TMC1: variants seen among roughly 807,000 people sequenced by gnomAD.
TMC1 encodes the protein transmembrane channel like 1.
TMC1 carries 84 observed loss-of-function variants against 105.8 expected under a neutral mutation model. The ratio of observed to expected loss-of-function variants is 0.79; its 90% CI spans 0.67 to 0.95. The LOEUF (loss-of-function observed/expected upper bound fraction) is 0.95. TMC1 is among the 40% of genes least tolerant of loss of function. The probability of loss-of-function intolerance (pLI) is 0.00; values close to 1 mark genes in which losing one functional copy is unlikely to be tolerated. For synonymous variants in TMC1, 315 were observed against 311.5 expected, an observed-to-expected ratio of 1.01 and a Z score of -0.12; for missense variants, 817 against 914.1, an observed-to-expected ratio of 0.89 and a Z score of 1.37.
intron 1 of TMC1, among the ~76,000 whole-genome samples, chr9:72,565,373 C>G (rs1587961067): frequency 6.6e-6 from 1 of 152,148 alleles, no homozygotes; most frequent in African/African-American, 2.4e-5. Context: ...GGTGTTTTAA[C>G]TCAGCAGTAG....
chr9:72,544,748 G>C (rs1823736525), intron 1 of TMC1, among the ~76,000 whole-genome samples: 1 of 150,986 alleles, frequency 6.6e-6, no homozygotes, highest in East Asian at 1.9e-4. Flanking sequence ...CCAAAGTGCT[G>C]GGATTACAGG....
intron 5 of TMC1, among the ~76,000 whole-genome samples, chr9:72,668,277 A>C (rs1481648766): frequency 6.6e-6 from 1 of 152,196 alleles, no homozygotes; most frequent in Non-Finnish European, 1.5e-5. Flanking sequence ...ATGGTCAGAA[A>C]GGTTAAAAAG....
intron 1 of TMC1, among the ~76,000 whole-genome samples, chr9:72,544,944 G>C (rs1823740242): frequency 6.6e-6 from 1 of 151,956 alleles, no homozygotes; most frequent in South Asian, 2.1e-4. Context: ...ACCCCCCCAA[G>C]TCTTTCCCTG....
chr9:72,535,365 T>C (rs568518069), intron 1 of TMC1, among the ~76,000 whole-genome samples: 10 of 152,364 alleles, frequency 6.6e-5, no homozygotes, highest in African/African-American at 2.2e-4. Flanking sequence ...AACTATCTTC[T>C]TGAATCCTCT....
intron 9 of TMC1, 52 bp downstream of exon 9, chr9:72,740,261 C>T (rs776008912): frequency 1.3e-6 from 2 of 1,504,684 alleles, no homozygotes; most frequent in Admixed American, 1.7e-5. Flanking sequence ...CTAAGAAGAA[C>T]ACTGGTTCTT....
At chr9:72,735,813 GA>G (rs11320286) in intron 8 of TMC1, among the ~76,000 whole-genome samples, 88,910 of 151,944 alleles carry the variant, frequency 0.59, 28,070 homozygotes, top group African/African-American at 0.84. Context: ...AGATATGGGG[GA>G]ATGAAGAATC....
rs1340369836 is a variant in TMC1, at chr9:72,836,475, C to G, written c.*502C>G. The G allele has an allele frequency of 6.3e-6, 1 of 159,664 alleles. No individual in the cohort carries two copies. The highest frequency in any genetic ancestry group is 1.8e-4 in the East Asian group (1 of 5,458). The allele number at this position is 159,664 out of a possible 1,614,324, so 9.9% of individuals were successfully genotyped here. ...CTTTTTGAAACCAATACCTTATTTT[C>G]TCTTTTTTTCTACCTGTCTCCCCAA... is the stretch of plus-strand genomic sequence containing the variant. On this transcript the variant is annotated 3_prime_UTR_variant, in exon 24 of 24. Coordinates refer to ENST00000297784, the MANE Select transcript of TMC1 (RefSeq NM_138691.3).
intron 1 of TMC1, among the ~76,000 whole-genome samples, chr9:72,540,386 AAGGTACAATGGC>A (rs2132063818): frequency 6.6e-6 from 1 of 152,254 alleles, no homozygotes; most frequent in Non-Finnish European, 1.5e-5. Flanking sequence ...TGACTTCCCT[AAGGTACAATGGC>A]AGAGATAGCC....
intron 1 of TMC1, among the ~76,000 whole-genome samples, chr9:72,547,014 C>T (rs1389531168): frequency 1.3e-5 from 2 of 152,172 alleles, no homozygotes; most frequent in African/African-American, 2.4e-5. Context: ...AGGCCAGGCG[C>T]GATGGCTCAT....
intron 8 of TMC1, 42 bp downstream of exon 8, chr9:72,700,685 A>G: frequency 7.1e-7 from 1 of 1,418,320 alleles, no homozygotes; most frequent in Non-Finnish European, 9.7e-7. Context: ...TTTCCCTGAT[A>G]TTGATTTTCT....
At chr9:72,568,150 T>A (rs562920386) in intron 1 of TMC1, among the ~76,000 whole-genome samples, 3 of 152,028 alleles carry the variant, frequency 2.0e-5, no homozygotes, top group Admixed American at 6.6e-5. Context: ...TTAGCTTTTG[T>A]AGTCAGATCC....
In TMC1 at chr9:72,836,818, A is replaced by G. The variant is rs149822640; in HGVS notation, c.*845A>G. 0.033 allele frequency: 5,046 copies of G among 152,334 alleles called. 129 individuals are homozygous for G. Among genetic ancestry groups the G allele is most frequent in the Non-Finnish European group, 0.051 (3,502 of 68,026 alleles). The allele number at this position is 152,334 out of a possible 1,614,324, so 9.4% of individuals were successfully genotyped here. On this transcript the variant is annotated 3_prime_UTR_variant, in exon 24 of 24. Coordinates refer to ENST00000297784, the MANE Select transcript of TMC1 (RefSeq NM_138691.3). ...ACAGGTCTGCATCAAACTCGATACAATTCTTGCCTCCTTGGAGGGAAGAAT... is the reference window on the plus strand; with the variant it reads ...ACAGGTCTGCATCAAACTCGATACAGTTCTTGCCTCCTTGGAGGGAAGAAT...
intron 5 of TMC1, among the ~76,000 whole-genome samples, chr9:72,669,442 A>G (rs753828924): frequency 6.6e-6 from 1 of 152,176 alleles, no homozygotes; most frequent in Non-Finnish European, 1.5e-5. Context: ...CTTTTAATTA[A>G]TTTATTTTTG....
At chr9:72,637,199 A>C in intron 4 of TMC1, among the ~76,000 whole-genome samples, 1 of 151,838 alleles carries the variant, frequency 6.6e-6, no homozygotes, top group East Asian at 1.9e-4. Context: ...CAGAAATTTC[A>C]TAGGGCCAGA....
intron 17 of TMC1, among the ~76,000 whole-genome samples, chr9:72,800,971 G>A (rs1373724689): frequency 6.6e-6 from 1 of 152,032 alleles, no homozygotes; most frequent in African/African-American, 2.4e-5. Context: ...TAAAAAATAT[G>A]CCTCCAAAAA....
intron 1 of TMC1, among the ~76,000 whole-genome samples, chr9:72,571,611 T>G (rs552307836): frequency 6.6e-6 from 1 of 151,796 alleles, no homozygotes; most frequent in Non-Finnish European, 1.5e-5. Flanking sequence ...CATGCCCAGC[T>G]AATTTTTTGT....
At chr9:72,809,600 G>A (rs1011839908) in intron 18 of TMC1, among the ~76,000 whole-genome samples, 3 of 152,182 alleles carry the variant, frequency 2.0e-5, no homozygotes, top group East Asian at 3.8e-4. Context: ...CTTACGTAGA[G>A]GTTGCAAATT....
intron 5 of TMC1, among the ~76,000 whole-genome samples, chr9:72,668,147 A>G (rs1200520929): frequency 6.6e-6 from 1 of 152,224 alleles, no homozygotes; most frequent in Non-Finnish European, 1.5e-5. Context: ...TGCCTTTTAT[A>G]TATCAGGCAA....
At chr9:72,768,298 G>T (rs1013256336) in intron 12 of TMC1, among the ~76,000 whole-genome samples, 1 of 146,040 alleles carries the variant, frequency 6.8e-6, no homozygotes, top group Non-Finnish European at 1.5e-5. Flanking sequence ...ACAAGGAAGG[G>T]AACATCACAC....
Sources: allele counts gnomAD v4.1 joint callset (sites outside exome capture counted in the v4.1 genomes callset), GRCh38; gene constraint gnomAD v4.1.1; transcripts MANE v1.5; gene names NCBI Gene and HGNC (gene_info 2026-07-23, HGNC 2026-07-21).